The following UBN1 variants were observed in gnomAD, a reference collection of about 807,000 sequenced individuals.
UBN1 encodes the protein ubinuclein-1.
A neutral mutation model predicts 108.5 loss-of-function variants in UBN1; 17 were observed. That is an observed-to-expected ratio of 0.16 (90% CI 0.11 to 0.24). The LOEUF is 0.24. Ranked by LOEUF, UBN1 falls within the 10% of genes least tolerant of loss-of-function variation. The pLI is 1.00. For missense variants in UBN1, 1,595 were observed against 1,394.4 expected, an observed-to-expected ratio of 1.14 and a Z score of -2.29; for synonymous variants, 726 against 564.2, an observed-to-expected ratio of 1.29 and a Z score of -4.07.
At chr16:4,864,418 A>G (rs1254936199) in intron 7 of UBN1, among the ~76,000 whole-genome samples, 1 of 152,230 alleles carries the variant, frequency 6.6e-6, no homozygotes, top group African/African-American at 2.4e-5. Flanking sequence ...TATGTTAAAG[A>G]GGTCCTCTGA....
At chr16:4,861,914 C>A (rs2087084478) in intron 7 of UBN1, among the ~76,000 whole-genome samples, 1 of 152,202 alleles carries the variant, frequency 6.6e-6, no homozygotes. Context: ...TGCACTCTAG[C>A]CTGGGCCACA....
At chr16:4,850,030 G>T (rs535757622) in intron 1 of UBN1, among the ~76,000 whole-genome samples, 1 of 149,862 alleles carries the variant, frequency 6.7e-6, no homozygotes, top group South Asian at 2.1e-4. Flanking sequence ...ATAGATAAAT[G>T]TAAGTTTTTT....
At chr16:4,853,518 G>T (rs2086650982) in intron 2 of UBN1, among the ~76,000 whole-genome samples, 1 of 151,148 alleles carries the variant, frequency 6.6e-6, no homozygotes, top group African/African-American at 2.4e-5. Context: ...CCTAGTATAG[G>T]GGCAGACAAA....
intron 5 of UBN1, 78 bp downstream of exon 5, chr16:4,859,237 A>G (rs2086943089): frequency 6.4e-7 from 1 of 1,553,556 alleles, no homozygotes; most frequent in African/African-American, 1.4e-5. Flanking sequence ...ACTTGCCAGA[A>G]TACGTGGCGC....
At chr16:4,873,222 C>A in intron 14 of UBN1, 149 bp downstream of exon 14, 2 of 1,191,098 alleles carry the variant, frequency 1.7e-6, no homozygotes, top group Non-Finnish European at 1.2e-6. Context: ...CATAACAGGA[C>A]AGAGACCCAA....
At chr16:4,864,630 T>G (rs908742443) in intron 7 of UBN1, among the ~76,000 whole-genome samples, 6 of 152,198 alleles carry the variant, frequency 3.9e-5, no homozygotes, top group African/African-American at 1.4e-4. Context: ...AAGCTCAGGT[T>G]TGATGCTCCT....
At position 4,875,292 on chromosome 16, in the gene UBN1, C is replaced by A; in HGVS notation, c.2882C>A (p.Ser961Tyr). ...PSSAGKKMPV[S>Y]QKLTLVAPPG... is the part of the protein sequence containing the mutation. ...TCAGCAGGGAAAAAAATGCCTGTTT[C>A]CCAGAAGTTGACTCTGGTAGCCCCT... Residue 961 changes from serine to tyrosine, a missense_variant, in exon 15 of 18, where the codon TCC becomes TAC. Physicochemically the swap from Ser to Tyr is moderately radical, Grantham distance 144. This residue lies in a region of UBN1 where 1,398 missense variants were observed against 1,194.7 expected (regional missense o/e 1.17). Coordinates refer to ENST00000262376, the MANE Select transcript of UBN1 (RefSeq NM_001079514.3). 1 of 1,614,234 alleles carries A rather than the reference C, an allele frequency of 6.2e-7. No individual in the cohort carries two copies. Among genetic ancestry groups the A allele is most frequent in the African/African-American group, 1.3e-5 (1 of 75,070 alleles).
chr16:4,870,168 T>A, intron 8 of UBN1, 44 bp from the exon 9 acceptor site: 1 of 1,612,074 alleles, frequency 6.2e-7, no homozygotes, highest in Non-Finnish European at 8.5e-7. Context: ...AAGACAGGAG[T>A]TGCAGTGAGC....
At chr16:4,854,516 T>A (rs2142128777) in intron 2 of UBN1, among the ~76,000 whole-genome samples, 1 of 150,754 alleles carries the variant, frequency 6.6e-6, no homozygotes, top group Middle Eastern at 3.4e-3. Flanking sequence ...GCTAATTTTT[T>A]TTTTTTTTTT....
chr16:4,871,576 CTTTTTTTTTTTTTT>C (rs35865064), intron 12 of UBN1, among the ~76,000 whole-genome samples: 1,706 of 88,482 alleles, frequency 0.019, 64 homozygotes, highest in African/African-American at 0.07. Flanking sequence ...ATGCACTTTC[CTTTTTTTTTTTTTT>C]TTTTTTTTTT....
At chr16:4,857,877 CT>C (rs2086885712) in intron 2 of UBN1, 112 bp from the exon 3 acceptor site, 1 of 778,070 alleles carries the variant, frequency 1.3e-6, no homozygotes. Context: ...CTACCTTGCC[CT>C]TTTCTGGAAA....
At chr16:4,850,951 TAAAGTATG>T (rs1274361488) in intron 1 of UBN1, among the ~76,000 whole-genome samples, 1 of 152,196 alleles carries the variant, frequency 6.6e-6, no homozygotes, top group African/African-American at 2.4e-5. Context: ...TTTGCAACAT[TAAAGTATG>T]AAACTTTACA....
chr16:4,861,006 C>T lies in UBN1; in HGVS notation c.1014C>T (p.Ser338=), dbSNP rs2142172934. 6.2e-7 allele frequency: 1 copy of T among 1,614,216 alleles called. No individual in the cohort carries two copies. Among genetic ancestry groups the T allele is most frequent in the Non-Finnish European group, 8.5e-7 (1 of 1,180,050 alleles). ...GAGATATGGATGATGGAAGTGATTC[C>T]CTTGGGGTGGGATTGGACCAGGAAT... ...PFRDMDDGSD[S]LGVGLDQEFR... Residue 338 remains serine (S), a synonymous_variant, in exon 7 of 18, where the codon TCC becomes TCT. Coordinates refer to ENST00000262376, the MANE Select transcript of UBN1 (RefSeq NM_001079514.3).
At chr16:4,856,003 GTC>G (rs1173467994) in intron 2 of UBN1, among the ~76,000 whole-genome samples, 2 of 152,248 alleles carry the variant, frequency 1.3e-5, no homozygotes, top group African/African-American at 4.8e-5. Context: ...AGGCCTGTGA[GTC>G]TGTACCAAGG....
chr16:4,858,118 G>T, intron 3 of UBN1, 42 bp downstream of exon 3: 1 of 1,354,728 alleles, frequency 7.4e-7, no homozygotes, highest in Non-Finnish European at 1.1e-6. Context: ...CTCATTGGGT[G>T]GGAGACGTTT....
intron 5 of UBN1, 64 bp from the exon 6 acceptor site, chr16:4,859,801 C>T (rs1021963366): frequency 1.0e-5 from 16 of 1,605,604 alleles, no homozygotes; most frequent in South Asian, 8.9e-5. Context: ...AGGCCAGTGC[C>T]GTGTAGTGCA....
At position 4,859,909 on chromosome 16, in the gene UBN1, A is replaced by G; in HGVS notation, c.612A>G (p.Lys204=). Residue 204 remains lysine (K), a synonymous_variant, in exon 6 of 18, where the codon AAA becomes AAG. Coordinates refer to ENST00000262376, the MANE Select transcript of UBN1 (RefSeq NM_001079514.3). ...GTGGTGAGAAGATAAAGAAGAAGAAAAAAGATGACACTTATGACAAGGAGA... is the reference window on the plus strand; with the variant it reads ...GTGGTGAGAAGATAAAGAAGAAGAAGAAAGATGACACTTATGACAAGGAGA... The part of the protein sequence containing the change: ...KEGGEKIKKK[K]KDDTYDKEKK... 2 of 1,614,216 alleles carry G rather than the reference A, an allele frequency of 1.2e-6. No individual in the cohort carries two copies. Among genetic ancestry groups the G allele is most frequent in the South Asian group, 1.1e-5 (1 of 91,092 alleles).
chr16:4,863,411 G>T (rs941983084), intron 7 of UBN1, among the ~76,000 whole-genome samples: 1 of 151,914 alleles, frequency 6.6e-6, no homozygotes, highest in South Asian at 2.1e-4. Flanking sequence ...GTCTTCCCAG[G>T]GAAGGAATGC....
At chr16:4,870,764 A>G in intron 10 of UBN1, 80 bp from the exon 11 acceptor site, 1 of 1,595,392 alleles carries the variant, frequency 6.3e-7, no homozygotes, top group Non-Finnish European at 8.5e-7. Flanking sequence ...TTCTCTGTGA[A>G]GTCCCAGTAG....
Sources: gnomAD v4.1 joint callset for allele counts (sites outside exome capture counted in the v4.1 genomes callset) on GRCh38, gnomAD v4.1.1 for gene constraint, gnomAD v4.1.1 regional missense constraint, MANE v1.5 for transcripts, NCBI Gene and HGNC (gene_info 2026-07-23, HGNC 2026-07-21) for gene names.